SLC38A8: variants seen among roughly 807,000 people sequenced by gnomAD.
SLC38A8 encodes amino acid transporter SLC38A8.
SLC38A8 carries 65 observed loss-of-function variants against 46.0 expected under a neutral mutation model. That is an observed-to-expected ratio of 1.41 (90% CI 1.16 to 1.74). SLC38A8 has a LOEUF of 1.74. SLC38A8 is among the 40% of genes most tolerant of loss of function. SLC38A8 has a pLI of 0.00. For missense variants in SLC38A8, 998 were observed against 567.9 expected (o/e 1.76, Z -7.70); for synonymous variants, 447 against 243.7 (o/e 1.83, Z -7.77).
rs554236961 is a variant in SLC38A8, at chr16:84,019,618, C to T, written c.806-2331G>A. On this transcript the variant is annotated intron_variant, in intron 7 of 10. Coordinates refer to ENST00000299709, the MANE Select transcript of SLC38A8 (RefSeq NM_001080442.3). Reference sequence around the variant, plus strand: ...GAGTCCCCAAAACTCATATCCTCCTCGCAGATAAATACCCCATGGTTATTC... The same window carrying T: ...GAGTCCCCAAAACTCATATCCTCCTTGCAGATAAATACCCCATGGTTATTC... Among the ~76,000 whole-genome samples, 32 of 152,318 alleles carry T rather than the reference C, an allele frequency of 2.1e-4. No homozygotes were observed. In the East Asian group the frequency reaches 5.0e-3, roughly 24 times the overall value.
At chr16:84,036,972 G>A (rs1251996520) in intron 2 of SLC38A8, 72 bp from the exon 3 acceptor site, 33 of 1,401,552 alleles carry the variant, frequency 2.4e-5, no homozygotes, top group Non-Finnish European at 2.7e-5. Flanking sequence ...GCCACCCCTC[G>A]GGCACACTCT....
chr16:84,026,386 C>A (rs981945868), intron 6 of SLC38A8, among the ~76,000 whole-genome samples: 2 of 152,124 alleles, frequency 1.3e-5, no homozygotes, highest in African/African-American at 4.8e-5. Flanking sequence ...ACCGCCATGC[C>A]CGGCTAATTT....
intron 5 of SLC38A8, among the ~76,000 whole-genome samples, chr16:84,031,252 G>A (rs1440896916): frequency 1.3e-5 from 2 of 152,026 alleles, no homozygotes; most frequent in African/African-American, 4.8e-5. Context: ...TGTTGGCAAG[G>A]TTGGTTTTGA....
intron 1 of SLC38A8, 81 bp downstream of exon 1, chr16:84,042,470 C>G (rs1390306170): frequency 3.9e-6 from 1 of 259,266 alleles, no homozygotes; most frequent in African/African-American, 2.2e-5. Flanking sequence ...CCCATCAATC[C>G]TCTCTCCCCC....
intron 3 of SLC38A8, among the ~76,000 whole-genome samples, chr16:84,035,057 C>G (rs971005605): frequency 1.3e-5 from 2 of 152,196 alleles, no homozygotes; most frequent in Non-Finnish European, 2.9e-5. Context: ...ACCAGATATA[C>G]ACAAGAACGC....
rs2085209803 is a variant in SLC38A8 at position 84,029,379 on chromosome 16, T to C, written c.690+115A>G. 12 of 1,065,264 alleles carry C rather than the reference T, an allele frequency of 1.1e-5. No individual in the cohort carries two copies. In the East Asian group the frequency reaches 3.1e-4, roughly 27 times the overall value. The allele number at this position is 1,065,264 out of a possible 1,614,324, so 66.0% of individuals were successfully genotyped here. A position where few individuals can be genotyped will look rare whatever the true frequency, so the allele number is the denominator to read the frequency against. ...GGGCGGCACAGAGCCCACTGTATCC[T>C]AGGAGAAGTCCTCAGACGCCTCCCT... is the stretch of plus-strand genomic sequence containing the variant. On this transcript the variant is annotated intron_variant, in intron 6 of 10. Coordinates refer to ENST00000299709, the MANE Select transcript of SLC38A8 (RefSeq NM_001080442.3).
At chr16:84,040,446 C>T (rs1177965528) in intron 2 of SLC38A8, among the ~76,000 whole-genome samples, 2 of 152,228 alleles carry the variant, frequency 1.3e-5, no homozygotes, top group African/African-American at 4.8e-5. Context: ...CCCTGCAGGG[C>T]CAGCATCTGC....
At chr16:84,026,198 C>G (rs1371792727) in intron 6 of SLC38A8, among the ~76,000 whole-genome samples, 1 of 152,134 alleles carries the variant, frequency 6.6e-6, no homozygotes, top group Non-Finnish European at 1.5e-5. Context: ...CCTTTTCTCC[C>G]TGTTTGACTC....
intron 9 of SLC38A8, among the ~76,000 whole-genome samples, chr16:84,015,316 C>G (rs1329121582): frequency 6.6e-6 from 1 of 152,098 alleles, no homozygotes; most frequent in African/African-American, 2.4e-5. Flanking sequence ...ACCTTGCTGG[C>G]TTCCCCTTCT....
At chr16:84,043,231 C>A (rs202193263), upstream of SLC38A8, among the ~76,000 whole-genome samples, 3 of 152,314 alleles carry the variant, frequency 2.0e-5, no homozygotes, top group East Asian at 3.9e-4. Flanking sequence ...CTAGGCCACG[C>A]TTGAGTGATG....
chr16:84,020,174 C>G (rs540001066), intron 7 of SLC38A8, among the ~76,000 whole-genome samples: 1 of 151,258 alleles, frequency 6.6e-6, no homozygotes, highest in African/African-American at 2.4e-5. Context: ...AGGGTCTTGC[C>G]CTGTCACCCA....
chr16:84,020,570 G>A (rs985153694), intron 7 of SLC38A8, among the ~76,000 whole-genome samples: 2 of 152,212 alleles, frequency 1.3e-5, no homozygotes, highest in African/African-American at 4.8e-5. Flanking sequence ...ACCTTCTGGG[G>A]CTGCAGCACG....
At chr16:84,042,226 C>A in intron 1 of SLC38A8, 67 bp from the exon 2 acceptor site, 2 of 1,500,392 alleles carry the variant, frequency 1.3e-6, no homozygotes, top group Non-Finnish European at 1.8e-6. Context: ...TTCTCGATAT[C>A]CTTATTTGTC....
Position 84,029,514 on chromosome 16 carries a change from T to G in SLC38A8, c.670A>C (p.Thr224Pro), listed in dbSNP as rs2085212422. Residue 224 changes from threonine (T) to proline (P), a missense_variant, in exon 6 of 11, where the codon ACC (threonine) becomes CCC (proline). Transcript: ENST00000299709. ...ATTACCTGAAACCCGAAGCAGATGG[T>G]GGGGAAGACACTGAACACAGAGGTC... is the stretch of plus-strand genomic sequence containing the variant. ...SWTSVFSVFPTICFGFQCHEA... is the reference protein window; with the variant it reads ...SWTSVFSVFPPICFGFQCHEA... 1.2e-6 allele frequency: 2 copies of G among 1,614,052 alleles called. No individual in the cohort carries two copies. Among genetic ancestry groups the G allele is most frequent in the Admixed American group, 1.7e-5 (1 of 60,012 alleles).
chr16:84,013,889 A>G (rs1365219994), intron 9 of SLC38A8, among the ~76,000 whole-genome samples: 1 of 152,238 alleles, frequency 6.6e-6, no homozygotes. Flanking sequence ...TCACAGCATC[A>G]GAATTTAATC....
At chr16:84,012,915 G>C (rs1024818233) in intron 10 of SLC38A8, 86 bp downstream of exon 10, 24 of 1,429,496 alleles carry the variant, frequency 1.7e-5, no homozygotes, top group African/African-American at 4.3e-5. Flanking sequence ...CAGAGGATGA[G>C]AAATAGGATC....
At chr16:84,036,998 T>C in intron 2 of SLC38A8, 98 bp from the exon 3 acceptor site, 1 of 1,235,768 alleles carries the variant, frequency 8.1e-7, no homozygotes, top group Non-Finnish European at 1.1e-6. Context: ...TGGCTTCTCA[T>C]CCACAGAGGC....
In SLC38A8 at chr16:84,017,182, A is replaced by T; in HGVS notation, c.911T>A (p.Val304Asp). ...GATGGGGTAGACAGTTACGATGGAG[A>T]CAGCAAAAAGGACCCGGGCCACAAT... is the stretch of plus-strand genomic sequence containing the variant. ...VIIVARVLFA[V>D]SIVTVYPIVL... Residue 304 changes from valine (V) to aspartate (D), a missense_variant, in exon 8 of 11, where the codon GTC (valine) becomes GAC (aspartate). Physicochemically the swap from Val to Asp is radical, Grantham distance 152. Coordinates refer to ENST00000299709, the MANE Select transcript of SLC38A8 (RefSeq NM_001080442.3). 1 of 1,614,076 alleles carries T rather than the reference A, an allele frequency of 6.2e-7. No homozygotes were observed. The highest frequency in any genetic ancestry group is 8.5e-7 in the Non-Finnish European group (1 of 1,180,008).
In SLC38A8 at chr16:84,016,901, G is replaced by T. The variant is rs139090000; in HGVS notation, c.954-174C>A. ...AACCCTCAGGGGTTCTGCCACCATC[G>T]GGCAGCCCATGGGGCAGGGGATGAA... On this transcript the variant is annotated intron_variant, in intron 8 of 10. Coordinates refer to ENST00000299709, the MANE Select transcript of SLC38A8 (RefSeq NM_001080442.3). The T allele has an allele frequency of 3.0e-6, 3 of 984,478 alleles. No individual in the cohort carries two copies. In the African/African-American group the frequency reaches 4.9e-5, roughly 16 times the overall value. The allele number at this position is 984,478 out of a possible 1,614,324, so 61.0% of individuals were successfully genotyped here.
Sources: gnomAD v4.1 joint callset for allele counts (sites outside exome capture counted in the v4.1 genomes callset) on GRCh38, gnomAD v4.1.1 for gene constraint, MANE v1.5 for transcripts, NCBI Gene and HGNC (gene_info 2026-07-23, HGNC 2026-07-21) for gene names.